ZGRF1: variants seen among roughly 807,000 people sequenced by gnomAD.
The protein encoded by ZGRF1 is zinc finger GRF-type containing 1, also known as 5'-3' DNA helicase ZGRF1.
A neutral mutation model predicts 203.5 loss-of-function variants in ZGRF1; 196 were observed. That is an observed-to-expected ratio of 0.96 (90% confidence interval 0.86 to 1.08). ZGRF1 has a LOEUF of 1.08. Among genes scored for constraint, ZGRF1 ranks in the 50% least tolerant of loss-of-function variants. ZGRF1 has a pLI of 0.00. For missense variants in ZGRF1, 2,326 were observed against 2,416.3 expected (o/e 0.96, Z 0.78); for synonymous variants, 809 against 841.3 (o/e 0.96, Z 0.66).
chr4:112,575,909 C>A (rs34632727), intron 16 of ZGRF1, among the ~76,000 whole-genome samples: 12 of 152,026 alleles, frequency 7.9e-5, no homozygotes, highest in African/African-American at 2.9e-4. Context: ...ATGTCCCTGT[C>A]TGACAGCTTT....
At chr4:112,604,284 T>G (rs973710730) in intron 9 of ZGRF1, among the ~76,000 whole-genome samples, 1 of 152,072 alleles carries the variant, frequency 6.6e-6, no homozygotes, top group African/African-American at 2.4e-5. Flanking sequence ...AGTATAATTT[T>G]ATTACAAGCA....
At chr4:112,620,327 C>T (rs1483896406) in intron 4 of ZGRF1, 137 bp from the exon 5 acceptor site, 3 of 528,092 alleles carry the variant, frequency 5.7e-6, no homozygotes, top group Non-Finnish European at 9.8e-6. Context: ...CTAAAGTCTT[C>T]AATTATTTAT....
At position 112,603,526 on chromosome 4, in the gene ZGRF1, G is replaced by T; in HGVS notation, c.2974C>A (p.Gln992Lys). 1 of 1,595,544 alleles carries T rather than the reference G, an allele frequency of 6.3e-7. No homozygotes were observed. The highest frequency in any genetic ancestry group is 8.6e-7 in the Non-Finnish European group (1 of 1,169,338). The part of the protein sequence containing the change: ...PSTCMQIDFL[Q>K]VTSPEENIST... ...TGCAACTATAAAAATATTTTTACCT[G>T]CAAGAAGTCAATCTGCATACACGTG... The change falls in exon 10 of 28, where the codon CAG becomes AAG. Residue 992 changes from glutamine (Q) to lysine (K), a missense_variant and splice_region_variant. Transcript: ENST00000505019.
rs1308574239 is a variant in ZGRF1 at position 112,560,896 on chromosome 4, T to C, written c.4797A>G (p.Leu1599=). 3.7e-6 allele frequency: 6 copies of C among 1,613,580 alleles called. No individual in the cohort carries two copies. The highest frequency in any genetic ancestry group is 1.3e-5 in the African/African-American group (1 of 74,934). ...CACTAGCTAACTTCAATGTTGCTCC[T>C]AGGCTGAGTAGTTCAAATTTTGTAC... The part of the protein sequence containing the change: ...NVSTKFELLS[L]GATLKLASEL... The change falls in exon 19 of 28, where the codon CTA becomes CTG. Residue 1599 remains leucine, a synonymous_variant. Coordinates refer to ENST00000505019, the MANE Select transcript of ZGRF1 (RefSeq NM_018392.5).
At chr4:112,571,536 C>T (rs1372384051) in intron 16 of ZGRF1, among the ~76,000 whole-genome samples, 1 of 147,766 alleles carries the variant, frequency 6.8e-6, no homozygotes, top group Non-Finnish European at 1.5e-5. Context: ...ACAGCAAGTA[C>T]ATGGTATTAA....
chr4:112,547,514 G>T (rs1739056671), intron 23 of ZGRF1, 106 bp from the exon 24 acceptor site: 3 of 998,372 alleles, frequency 3.0e-6, no homozygotes. Context: ...CAAATGCCAT[G>T]AAGTATCCTG....
chr4:112,619,139 C>T lies in ZGRF1; in HGVS notation c.903G>A (p.Glu301=). 6.2e-7 allele frequency: 1 copy of T among 1,613,878 alleles called. No individual in the cohort carries two copies. Among genetic ancestry groups the T allele is most frequent in the Non-Finnish European group, 8.5e-7 (1 of 1,179,958 alleles). The change falls in exon 6 of 28, where the codon GAG becomes GAA. Residue 301 remains glutamate (E), a synonymous_variant. Coordinates refer to ENST00000505019, the MANE Select transcript of ZGRF1 (RefSeq NM_018392.5). ...TTTCTGTGCTCTTCATCTCAGCACA[C>T]TCTTCCTGTTGAATTAGGTACTTTG... is the stretch of plus-strand genomic sequence containing the variant. The part of the protein sequence containing the change: ...TKPKYLIQQE[E]CAEMKSTENL...
chr4:112,549,393 C>A (rs1471357563), intron 22 of ZGRF1, among the ~76,000 whole-genome samples: 2 of 152,212 alleles, frequency 1.3e-5, no homozygotes, highest in Admixed American at 6.5e-5. Flanking sequence ...CGTACACACA[C>A]ATTTGTGTAC....
chr4:112,556,591 T>C (rs990619184), intron 20 of ZGRF1, among the ~76,000 whole-genome samples: 10 of 152,188 alleles, frequency 6.6e-5, no homozygotes, highest in East Asian at 3.9e-4. Flanking sequence ...GGATTTGCCA[T>C]GTTTGTTGGC....
rs1741802045 is a variant in ZGRF1 at position 112,560,748 on chromosome 4, T to C, written c.4945A>G (p.Ile1649Val). ...VKELQTHTFP[I>V]TIIHGVFGAG... Reference sequence around the variant, plus strand: ...TGCTTCTTACCATGTATGATTGTGATAGGGAAGGTATGAGTTTGCAGTTCC... The same window carrying C: ...TGCTTCTTACCATGTATGATTGTGACAGGGAAGGTATGAGTTTGCAGTTCC... The change falls in exon 19 of 28, where the codon ATC becomes GTC. Residue 1649 changes from isoleucine (I) to valine (V), a missense_variant. Ile to Val is a conservative substitution (Grantham distance 29). Transcript: ENST00000505019. The C allele has an allele frequency of 1.3e-6, 2 of 1,588,902 alleles. No individual in the cohort carries two copies. The highest frequency in any genetic ancestry group is 1.7e-6 in the Non-Finnish European group (2 of 1,161,930).
At chr4:112,624,700 T>C (rs2047174064) in intron 3 of ZGRF1, among the ~76,000 whole-genome samples, 1 of 152,158 alleles carries the variant, frequency 6.6e-6, no homozygotes, top group South Asian at 2.1e-4. Flanking sequence ...TACCATTTTC[T>C]AGCTTTTCCC....
chr4:112,541,148 G>A lies in ZGRF1; in HGVS notation c.5719C>T (p.Pro1907Ser). 6.2e-7 allele frequency: 1 copy of A among 1,609,814 alleles called. No individual in the cohort carries two copies. Among genetic ancestry groups the A allele is most frequent in the Non-Finnish European group, 8.5e-7 (1 of 1,177,890 alleles). ...MNGVTEIERS[P>S]LLEWLPTLCF... Reference sequence around the variant, plus strand: ...AGGGTTGGTAGCCATTCCAATAAAGGGCTCCGCTCTATTTCTGTTACACCA... The same window carrying A: ...AGGGTTGGTAGCCATTCCAATAAAGAGCTCCGCTCTATTTCTGTTACACCA... The change falls in exon 25 of 28, where the codon CCT becomes TCT. Residue 1907 changes from proline (P) to serine (S), a missense_variant. Physicochemically the swap from Pro to Ser is moderately conservative, Grantham distance 74 (BLOSUM62 -1). Transcript: ENST00000505019.
At chr4:112,607,641 G>A (rs1395870442) in intron 8 of ZGRF1, among the ~76,000 whole-genome samples, 1 of 152,204 alleles carries the variant, frequency 6.6e-6, no homozygotes, top group East Asian at 1.9e-4. Flanking sequence ...GTTGTAGTAA[G>A]AAGAGCCATT....
intron 3 of ZGRF1, among the ~76,000 whole-genome samples, chr4:112,625,281 CCTGT>C (rs1452607605): frequency 3.4e-5 from 5 of 148,504 alleles, no homozygotes; most frequent in African/African-American, 1.2e-4. Flanking sequence ...AGAGCAAGAC[CCTGT>C]CTATTTAAAA....
intron 13 of ZGRF1, 84 bp downstream of exon 13, chr4:112,586,361 C>A: frequency 2.0e-6 from 2 of 1,005,114 alleles, no homozygotes; most frequent in South Asian, 3.0e-5. Flanking sequence ...TATGAAAATT[C>A]ACAATATAAT....
intron 16 of ZGRF1, among the ~76,000 whole-genome samples, chr4:112,576,752 A>G (rs552918683): frequency 5.3e-5 from 8 of 152,140 alleles, no homozygotes; most frequent in Non-Finnish European, 1.2e-4. Context: ...GAAATGAACC[A>G]AGCCTCCAAG....
chr4:112,582,804 A>G (rs1204119473), intron 15 of ZGRF1, among the ~76,000 whole-genome samples: 1 of 152,140 alleles, frequency 6.6e-6, no homozygotes, highest in Non-Finnish European at 1.5e-5. Flanking sequence ...GCTGCAAATG[A>G]CAAGATTTCA....
chr4:112,560,840 T>A lies in ZGRF1; in HGVS notation c.4853A>T (p.Asp1618Val), dbSNP rs764871789. ...ELIQVHKLNK[D>V]QATALIQIAQ... is the part of the protein sequence containing the mutation. Reference sequence around the variant, plus strand: ...TATTTGAATTAGAGCTGTAGCTTGATCCTTGTTTAACTTGTGTACCTGAAT... The same window carrying A: ...TATTTGAATTAGAGCTGTAGCTTGAACCTTGTTTAACTTGTGTACCTGAAT... The change falls in exon 19 of 28, where the codon GAT becomes GTT. Residue 1618 changes from aspartate (D) to valine (V), a missense_variant. Asp to Val is a radical substitution (Grantham distance 152, BLOSUM62 -3). Coordinates refer to ENST00000505019, the MANE Select transcript of ZGRF1 (RefSeq NM_018392.5). 5.0e-6 allele frequency: 8 copies of A among 1,613,758 alleles called. No individual in the cohort carries two copies. The South Asian group carries it at 7.7e-5, about 16-fold the overall frequency.
chr4:112,547,192 T>G, intron 24 of ZGRF1, 93 bp downstream of exon 24: 1 of 1,274,290 alleles, frequency 7.8e-7, no homozygotes, highest in Non-Finnish European at 1.1e-6. Context: ...AAGGCAGGAC[T>G]AAGTCTTCTA....
Sources: allele counts gnomAD v4.1 joint callset (sites outside exome capture counted in the v4.1 genomes callset), GRCh38; gene constraint gnomAD v4.1.1; transcripts MANE v1.5; gene names NCBI Gene and HGNC (gene_info 2026-07-23, HGNC 2026-07-21).